TP53BP2: variants seen among roughly 807,000 people sequenced by gnomAD.
TP53BP2 encodes apoptosis-stimulating of p53 protein 2.
In TP53BP2, 62 loss-of-function variants were observed where a neutral mutation model predicts 126.2. That is an observed-to-expected ratio of 0.49 (90% CI 0.40 to 0.61). The LOEUF (loss-of-function observed/expected upper bound fraction) is 0.61. Ranked by LOEUF, TP53BP2 falls within the 20% of genes least tolerant of loss-of-function variation. The pLI, the probability that TP53BP2 is intolerant of heterozygous loss-of-function variation, is 0.00. For synonymous variants in TP53BP2, 485 were observed against 502.9 expected (o/e 0.96, Z 0.48); for missense variants, 1,215 against 1,402.8 (o/e 0.87, Z 2.14).
intron 11 of TP53BP2, 151 bp from the exon 12 acceptor site, chr1:223,798,828 T>A: frequency 1.4e-6 from 1 of 710,494 alleles, no homozygotes; most frequent in African/African-American, 1.8e-5. Flanking sequence ...TCCCAGCACT[T>A]TGGGAGGCCA....
In TP53BP2 at chr1:223,791,300, A is replaced by T. The variant is rs540549716; in HGVS notation, c.2996+1089T>A. Among the ~76,000 whole-genome samples the T allele has an allele frequency of 1.3e-3, 200 of 152,102 alleles. 1 individual carries two copies. The highest frequency in any genetic ancestry group is 4.6e-3 in the African/African-American group (189 of 41,534). On this transcript the variant is annotated intron_variant, in intron 15 of 17. Transcript: ENST00000343537. The stretch of plus-strand genomic sequence containing the variant: ...TAAAAATAAAAAATAATTTTTTTTT[A>T]AAAAGAGCCTGAAGAAAATATATTA...
chr1:223,786,653 C>A (rs762962253), intron 16 of TP53BP2, among the ~76,000 whole-genome samples: 6 of 151,214 alleles, frequency 4.0e-5, no homozygotes, highest in African/African-American at 7.3e-5. Flanking sequence ...GTTGCCCAGG[C>A]TGGAGTGCAG....
intron 1 of TP53BP2, among the ~76,000 whole-genome samples, chr1:223,837,652 T>A (rs1663968697): frequency 6.6e-6 from 1 of 152,128 alleles, no homozygotes; most frequent in Admixed American, 6.5e-5. Context: ...TTTAATTTAT[T>A]TTTGGCAGCT....
intron 5 of TP53BP2, among the ~76,000 whole-genome samples, chr1:223,805,058 C>T (rs562185338): frequency 7.4e-4 from 113 of 152,256 alleles, no homozygotes; most frequent in African/African-American, 2.5e-3. Context: ...GTTTTTATTA[C>T]ATTAAAATTT....
At chr1:223,801,424 AAG>A (rs1662524737) in intron 9 of TP53BP2, among the ~76,000 whole-genome samples, 2 of 152,232 alleles carry the variant, frequency 1.3e-5, no homozygotes, top group African/African-American at 4.8e-5. Context: ...TGATAATTGT[AAG>A]AGAACAGAGA....
Position 223,806,892 on chromosome 1 carries a change from C to T in TP53BP2, c.428G>A (p.Arg143His), listed in dbSNP as rs766049032. 30 of 1,613,748 alleles carry T rather than the reference C, an allele frequency of 1.9e-5. No homozygotes were observed. Among genetic ancestry groups the T allele is most frequent in the Admixed American group, 3.3e-5 (2 of 59,974 alleles). Reference protein sequence around the residue: ...TLAELQEMASRQQQQIEAQQQ... With the variant: ...TLAELQEMASHQQQQIEAQQQ... The stretch of plus-strand genomic sequence containing the variant: ...CTGGGCTTCAATCTGTTGCTGCTGG[C>T]GAGATGCCATTTCCTGAAGTTCAGC... The change falls in exon 5 of 18, where the codon CGC becomes CAC. Residue 143 changes from arginine (R) to histidine (H), a missense_variant. Transcript: ENST00000343537.
At chr1:223,821,103 G>A (rs552817321) in intron 2 of TP53BP2, 117 bp downstream of exon 2, 30 of 1,293,806 alleles carry the variant, frequency 2.3e-5, no homozygotes, top group African/African-American at 1.3e-4. Flanking sequence ...TCTGCCGGAC[G>A]TGCTATTCTC....
chr1:223,842,734 A>C (rs962449503), intron 1 of TP53BP2, among the ~76,000 whole-genome samples: 1 of 152,242 alleles, frequency 6.6e-6, no homozygotes, highest in African/African-American at 2.4e-5. Context: ...AGTGAATAAA[A>C]GATATCTAAT....
chr1:223,782,649 C>G (rs1221961478), intron 17 of TP53BP2, among the ~76,000 whole-genome samples: 5 of 152,218 alleles, frequency 3.3e-5, no homozygotes, highest in African/African-American at 1.2e-4. Context: ...GACAGGGTTT[C>G]ACCATGTTGG....
intron 1 of TP53BP2, among the ~76,000 whole-genome samples, chr1:223,833,530 A>C (rs1190526620): frequency 1.3e-5 from 2 of 152,238 alleles, no homozygotes; most frequent in African/African-American, 4.8e-5. Context: ...AAAATGATAG[A>C]GCAAATATGA....
At chr1:223,840,759 C>T (rs765028572) in intron 1 of TP53BP2, among the ~76,000 whole-genome samples, 6 of 152,130 alleles carry the variant, frequency 3.9e-5, no homozygotes, top group Admixed American at 1.3e-4. Flanking sequence ...GCAGTGTATG[C>T]GAATAAATGA....
chr1:223,794,541 A>G (rs1018781734), intron 13 of TP53BP2, among the ~76,000 whole-genome samples: 11 of 152,360 alleles, frequency 7.2e-5, no homozygotes, highest in African/African-American at 2.6e-4. Context: ...AGAATCTTAA[A>G]AAGAAAGTAT....
At chr1:223,814,406 A>G (rs1663015915) in intron 2 of TP53BP2, 53 bp from the exon 3 acceptor site, 2 of 1,254,332 alleles carry the variant, frequency 1.6e-6, no homozygotes, top group East Asian at 2.3e-5. Context: ...AAAGATAAAT[A>G]TATCATTCAC....
intron 1 of TP53BP2, among the ~76,000 whole-genome samples, chr1:223,824,366 A>T (rs976959751): frequency 6.6e-6 from 1 of 152,226 alleles, no homozygotes; most frequent in Non-Finnish European, 1.5e-5. Context: ...CAGTAAGTGT[A>T]CGAGTTGACC....
chr1:223,803,442 A>G lies in TP53BP2; in HGVS notation c.660T>C (p.Ile220=). The change falls in exon 7 of 18, where the codon ATT becomes ATC. Residue 220 remains isoleucine, a synonymous_variant. Coordinates refer to ENST00000343537, the MANE Select transcript of TP53BP2 (RefSeq NM_001031685.3). ...RLSNGKLVEE[I]EQMNNLFQQK... ...GCTGGAACAAATTATTCATCTGTTC[A>G]ATTTCCTCCACTAGATGAGACAGAG... 1 of 1,611,682 alleles carries G rather than the reference A, an allele frequency of 6.2e-7. No individual in the cohort carries two copies. Among genetic ancestry groups the G allele is most frequent in the South Asian group, 1.1e-5 (1 of 90,758 alleles).
intron 16 of TP53BP2, among the ~76,000 whole-genome samples, chr1:223,785,504 A>C (rs1316995432): frequency 1.3e-5 from 2 of 152,238 alleles, no homozygotes; most frequent in Non-Finnish European, 2.9e-5. Flanking sequence ...GATGGGAATG[A>C]AGAAAGACGT....
rs376063123 is a variant in TP53BP2, at chr1:223,780,842, G to A, written c.*11C>T. On this transcript the variant is annotated 3_prime_UTR_variant, in exon 18 of 18. Coordinates refer to ENST00000343537, the MANE Select transcript of TP53BP2 (RefSeq NM_001031685.3). ...TTAATTCTTCATTGACTAAAATTCTGTGTGGAAGTTTCAGGCCAAGCTCCT... is the reference window on the plus strand; with the variant it reads ...TTAATTCTTCATTGACTAAAATTCTATGTGGAAGTTTCAGGCCAAGCTCCT... 6.0e-5 allele frequency: 97 copies of A among 1,613,052 alleles called. No individual in the cohort carries two copies. In the African/African-American group the frequency reaches 1.1e-3, roughly 19 times the overall value.
rs1662872626 is a variant in TP53BP2 at position 223,810,437 on chromosome 1, C to T, written c.366G>A (p.Glu122=). 1 of 1,607,598 alleles carries T rather than the reference C, an allele frequency of 6.2e-7. No individual in the cohort carries two copies. Among genetic ancestry groups the T allele is most frequent in the South Asian group, 1.1e-5 (1 of 89,790 alleles). Residue 122 remains glutamate (E), a synonymous_variant, in exon 4 of 18, where the codon GAG becomes GAA. Coordinates refer to ENST00000343537, the MANE Select transcript of TP53BP2 (RefSeq NM_001031685.3). The part of the protein sequence containing the change: ...VKVPGEYRRK[E]NGVNSPRMDL... ...GATAAAAACAACAACTTACACCGTT[C>T]TCCTTTCTTCGATATTCACCAGGAA...
At chr1:223,811,546 A>AT (rs1436236534) in intron 3 of TP53BP2, among the ~76,000 whole-genome samples, 2 of 152,206 alleles carry the variant, frequency 1.3e-5, no homozygotes, top group Admixed American at 6.5e-5. Flanking sequence ...AAAAACTTCT[A>AT]TAATTTCAGA....
Sources: gnomAD v4.1 joint callset for allele counts (sites outside exome capture counted in the v4.1 genomes callset) on GRCh38, gnomAD v4.1.1 for gene constraint, MANE v1.5 for transcripts, NCBI Gene and HGNC (gene_info 2026-07-23, HGNC 2026-07-21) for gene names.